FAM228B: variants seen among roughly 807,000 people sequenced by gnomAD.
FAM228B encodes the protein family with sequence similarity 228 member B.
FAM228B carries 38 observed loss-of-function variants against 42.6 expected under a neutral mutation model. That is an observed-to-expected ratio of 0.89 (90% CI 0.69 to 1.17). The LOEUF is 1.17. Among genes scored for constraint, FAM228B ranks in the 50% most tolerant of loss-of-function variants. The pLI is 0.00. For synonymous variants in FAM228B, 109 were observed against 122.3 expected (o/e 0.89, Z 0.72); for missense variants, 344 against 367.3 (o/e 0.94, Z 0.52).
Position 24,169,256 on chromosome 2 carries a change from C to G in FAM228B, c.*15-100C>G. The G allele has an allele frequency of 2.5e-6, 1 of 397,036 alleles. No homozygotes were observed. 24.6% of individuals were successfully genotyped at this position (397,036 alleles called of 1,614,324 possible). A position where few individuals can be genotyped will look rare whatever the true frequency, so the allele number is the denominator to read the frequency against. On this transcript the variant is annotated intron_variant, in intron 10 of 10. Transcript: ENST00000615575. The surrounding 1 kb of genome is among the most constrained non-coding windows in gnomAD (Gnocchi z 4.2). Reference sequence around the variant, plus strand: ...CACTCGGCTCTGGCAGGACAGGCTTCAGGGGGATCAGCTCAGCTTAGCTGG... The same window carrying G: ...CACTCGGCTCTGGCAGGACAGGCTTGAGGGGGATCAGCTCAGCTTAGCTGG...
At chr2:24,078,628 T>A (rs1664864378) in intron 1 of FAM228B, among the ~76,000 whole-genome samples, 1 of 152,188 alleles carries the variant, frequency 6.6e-6, no homozygotes, top group Non-Finnish European at 1.5e-5. Flanking sequence ...TCCAAATGTG[T>A]AACTTCTGTT....
chr2:24,149,830 C>T (rs917543643), intron 7 of FAM228B, among the ~76,000 whole-genome samples: 1 of 152,158 alleles, frequency 6.6e-6, no homozygotes, highest in Non-Finnish European at 1.5e-5. Context: ...CTGCACCTGG[C>T]CTGCTTTCTT....
At chr2:24,143,683 ATAGAGT>A (rs1347460164) in intron 5 of FAM228B, among the ~76,000 whole-genome samples, 1 of 152,200 alleles carries the variant, frequency 6.6e-6, no homozygotes, top group African/African-American at 2.4e-5. Context: ...GTTTCAGGAA[ATAGAGT>A]TATTTTTCAT....
intron 2 of FAM228B, among the ~76,000 whole-genome samples, chr2:24,092,090 G>A (rs886150772): frequency 1.3e-5 from 2 of 151,712 alleles, no homozygotes; most frequent in African/African-American, 4.8e-5. Flanking sequence ...CAGGCATGGT[G>A]GCATGTGCCT....
At chr2:24,166,839 GA>G (rs1667428724) in intron 9 of FAM228B, among the ~76,000 whole-genome samples, 1 of 152,078 alleles carries the variant, frequency 6.6e-6, no homozygotes, top group Admixed American at 6.5e-5. Context: ...GAGATCTGGG[GA>G]AAGAGTGTTG....
intron 8 of FAM228B, among the ~76,000 whole-genome samples, chr2:24,163,972 C>G (rs1290324570): frequency 6.6e-6 from 1 of 152,186 alleles, no homozygotes; most frequent in Non-Finnish European, 1.5e-5. Flanking sequence ...GGACCCAAAG[C>G]TGTTTGATTA....
rs1667224773 is a variant in FAM228B at position 24,158,935 on chromosome 2, G to A, written c.687-2571G>A. Among the ~76,000 whole-genome samples the A allele has an allele frequency of 2.0e-5, 3 of 152,210 alleles. No homozygotes were observed. In the South Asian group the frequency reaches 6.2e-4, roughly 31 times the overall value. On this transcript the variant is annotated intron_variant, in intron 7 of 10. Coordinates refer to ENST00000615575, the MANE Select transcript of FAM228B (RefSeq NM_001145710.2). ...GAAGACTAACGTCCAGGTACTGGCA[G>A]GGCCACTCTCTCTGAAGGCTCCTTG...
At chr2:24,110,785 C>G (rs1476344680) in intron 3 of FAM228B, among the ~76,000 whole-genome samples, 4 of 152,164 alleles carry the variant, frequency 2.6e-5, no homozygotes, top group Non-Finnish European at 4.4e-5. Context: ...AATCTGTAGC[C>G]AGGTCAGACA....
chr2:24,092,532 G>A (rs1032478225), intron 2 of FAM228B, among the ~76,000 whole-genome samples: 3 of 148,728 alleles, frequency 2.0e-5, no homozygotes, highest in Non-Finnish European at 3.0e-5. Context: ...CCGAGATCGC[G>A]CCCTGCACTC....
intron 3 of FAM228B, among the ~76,000 whole-genome samples, chr2:24,104,067 C>T (rs12713199): frequency 0.12 from 17,513 of 152,168 alleles, 1,221 homozygotes; most frequent in South Asian, 0.18. Context: ...TGAAAAACCA[C>T]GTTGGGACCC....
chr2:24,137,963 A>T lies in FAM228B; in HGVS notation c.223A>T (p.Met75Leu), dbSNP rs1458701061. The change falls in exon 4 of 11, where the codon ATG (methionine) becomes TTG (leucine). Residue 75 changes from methionine (M) to leucine (L), a missense_variant. Coordinates refer to ENST00000615575, the MANE Select transcript of FAM228B (RefSeq NM_001145710.2). ...CTTCTTAAATGCAAGAAGAAAGGAG[A>T]TGTTATATAAAAGATGGGTTGACTG... ...HAFLNARRKE[M>L]LYKRWVDCVA... is the part of the protein sequence containing the mutation. 7 of 1,544,916 alleles carry T rather than the reference A, an allele frequency of 4.5e-6. No homozygotes were observed. The South Asian group carries it at 7.3e-5, about 16-fold the overall frequency.
chr2:24,155,529 A>ATTTTTTTTT (rs1339609655), intron 7 of FAM228B, among the ~76,000 whole-genome samples: 1 of 12,650 alleles, frequency 7.9e-5, no homozygotes, highest in Non-Finnish European at 1.7e-4. Context: ...ATATATATAT[A>ATTTTTTTTT]TATTTTTTTT....
chr2:24,150,273 A>G (rs1666995357), intron 7 of FAM228B, among the ~76,000 whole-genome samples: 1 of 152,228 alleles, frequency 6.6e-6, no homozygotes, highest in African/African-American at 2.4e-5. Flanking sequence ...AGCATTTCAT[A>G]TAGGATAGGT....
At chr2:24,087,047 A>G (rs1186880848) in intron 2 of FAM228B, among the ~76,000 whole-genome samples, 1 of 152,184 alleles carries the variant, frequency 6.6e-6, no homozygotes. Context: ...AAAAAAATCT[A>G]ATAATACCAA....
At chr2:24,144,963 C>T (rs1666859070) in intron 5 of FAM228B, among the ~76,000 whole-genome samples, 1 of 152,214 alleles carries the variant, frequency 6.6e-6, no homozygotes, top group African/African-American at 2.4e-5. Context: ...CTGCACGCGC[C>T]AACTGGTGGT....
At chr2:24,155,521 ATATATATATATTTTTT>A (rs1667115698) in intron 7 of FAM228B, among the ~76,000 whole-genome samples, 1 of 21,522 alleles carries the variant, frequency 4.6e-5, no homozygotes, top group African/African-American at 1.5e-4. Context: ...ATATATATAT[ATATATATATATTTTTT>A]TTTTTTTTTT....
intron 3 of FAM228B, among the ~76,000 whole-genome samples, chr2:24,103,169 A>G (rs779790294): frequency 6.6e-5 from 10 of 152,142 alleles, no homozygotes; most frequent in Non-Finnish European, 1.3e-4. Context: ...TTGGCACCTT[A>G]CAGTTCTTTT....
intron 5 of FAM228B, among the ~76,000 whole-genome samples, chr2:24,145,403 G>A (rs1231758614): frequency 6.6e-6 from 1 of 152,172 alleles, no homozygotes; most frequent in Non-Finnish European, 1.5e-5. Context: ...AGACTATACT[G>A]TTGCACGCAC....
chr2:24,124,951 C>T (rs1378320736), intron 2 of FAM228B, among the ~76,000 whole-genome samples: 2 of 152,324 alleles, frequency 1.3e-5, no homozygotes, highest in African/African-American at 2.4e-5. Context: ...ATCCACCTAC[C>T]GTGGTGTTCC....
Sources: gnomAD v4.1 joint callset for allele counts (sites outside exome capture counted in the v4.1 genomes callset) on GRCh38, gnomAD v4.1.1 for gene constraint, Gnocchi (gnomAD v3.1) non-coding constraint, MANE v1.5 for transcripts, NCBI Gene and HGNC (gene_info 2026-07-23, HGNC 2026-07-21) for gene names.